Variants in SLX9 observed in about 807,000 individuals in gnomAD.
The protein encoded by SLX9 is ribosome biogenesis protein SLX9 homolog.
A neutral mutation model predicts 20.8 loss-of-function variants in SLX9; 19 were observed. That is an observed-to-expected ratio of 0.91 (90% CI 0.64 to 1.34). The LOEUF (loss-of-function observed/expected upper bound fraction) is 1.34, where lower values mean the gene tolerates loss of function less well. Ranked by LOEUF, SLX9 falls within the 40% of genes most tolerant of loss-of-function variation. The probability of loss-of-function intolerance (pLI) is 0.00; values close to 1 mark genes in which losing one functional copy is unlikely to be tolerated. For missense variants in SLX9, 299 were observed against 322.2 expected (o/e 0.93, Z 0.55); for synonymous variants, 113 against 137.1 (o/e 0.82, Z 1.23).
At chr21:44,956,155 A>G (rs769682238) in intron 2 of SLX9, among the ~76,000 whole-genome samples, 1 of 152,210 alleles carries the variant, frequency 6.6e-6, no homozygotes, top group Admixed American at 6.5e-5. Flanking sequence ...CTATGTAGGA[A>G]GGAAGCAATC....
intron 2 of SLX9, among the ~76,000 whole-genome samples, chr21:44,945,506 A>G (rs1220424336): frequency 2.6e-5 from 4 of 152,158 alleles, no homozygotes; most frequent in Non-Finnish European, 5.9e-5. Flanking sequence ...CTGGTCCCCA[A>G]GGTCACCTGC....
chr21:44,975,531 G>A (rs938367977), intron 5 of SLX9, among the ~76,000 whole-genome samples: 2 of 152,240 alleles, frequency 1.3e-5, no homozygotes, highest in African/African-American at 4.8e-5. Flanking sequence ...TCACTGTCAC[G>A]GCTCCTTTCC....
At chr21:44,949,538 C>T (rs73906968) in intron 2 of SLX9, among the ~76,000 whole-genome samples, 6,891 of 152,236 alleles carry the variant, frequency 0.045, 510 homozygotes, top group African/African-American at 0.15. Flanking sequence ...GGCCAGAGCG[C>T]ACCATGGAGC....
intron 2 of SLX9, among the ~76,000 whole-genome samples, chr21:44,954,727 G>A (rs532512164): frequency 8.5e-5 from 13 of 152,192 alleles, no homozygotes; most frequent in Non-Finnish European, 7.3e-5. Flanking sequence ...CTTCTCTGCG[G>A]TGCTGCTGGT....
At chr21:44,944,671 G>C (rs941465040) in intron 2 of SLX9, among the ~76,000 whole-genome samples, 1 of 151,980 alleles carries the variant, frequency 6.6e-6, no homozygotes, top group South Asian at 2.1e-4. Flanking sequence ...GCCTGGCTGT[G>C]GGGGCAGAGC....
rs1200511710 is a variant in SLX9, at chr21:44,946,682, G to T, written c.283+2845G>T. The stretch of plus-strand genomic sequence containing the variant: ...GGGGCGTTCTGAGCTCATCGCCGCG[G>T]GCCCCCATTACAGCCCTCCTGGAGC... On this transcript the variant is annotated intron_variant, in intron 2 of 5. Coordinates refer to ENST00000291634, the MANE Select transcript of SLX9 (RefSeq NM_058190.4). Among the ~76,000 whole-genome samples the T allele has an allele frequency of 2.0e-5, 3 of 152,236 alleles. No individual in the cohort carries two copies. The East Asian group carries it at 5.8e-4, about 29-fold the overall frequency.
At chr21:44,971,419 G>C (rs2085146806) in intron 4 of SLX9, among the ~76,000 whole-genome samples, 1 of 152,296 alleles carries the variant, frequency 6.6e-6, no homozygotes, top group East Asian at 1.9e-4. Flanking sequence ...TGGGAGGATG[G>C]GGTGTGGGAC....
chr21:44,971,042 G>A (rs28537507), intron 4 of SLX9, among the ~76,000 whole-genome samples: 1,861 of 140,616 alleles, frequency 0.013, 38 homozygotes, highest in African/African-American at 0.044. Context: ...GGCATCGAGC[G>A]ACACTTGACT....
Position 44,959,092 on chromosome 21 carries a change from AG to A in SLX9, c.284-1004del, listed in dbSNP as rs1371862902. 3 of 408,366 alleles carry A rather than the reference AG, an allele frequency of 7.3e-6. No individual in the cohort carries two copies. In the Admixed American group the frequency reaches 1.9e-4, roughly 26 times the overall value. 25.3% of individuals were successfully genotyped at this position (408,366 alleles called of 1,614,324 possible). On this transcript the variant is annotated intron_variant, in intron 2 of 5. Transcript: ENST00000291634. ...CCCAGGCACACCAGGAAGCTGTGGG[AG>A]GGGATTAAATCCTGCGGGAGCCCTG...
intron 4 of SLX9, among the ~76,000 whole-genome samples, chr21:44,970,711 G>A (rs2085127461): frequency 6.6e-6 from 1 of 152,226 alleles, no homozygotes. Flanking sequence ...CCAGTGGCCT[G>A]GGAGGCTGGA....
chr21:44,950,850 A>G (rs1052002028), intron 2 of SLX9, among the ~76,000 whole-genome samples: 1 of 151,974 alleles, frequency 6.6e-6, no homozygotes, highest in Non-Finnish European at 1.5e-5. Flanking sequence ...TCATCTGCGA[A>G]AGGGGGGTGT....
intron 1 of SLX9, among the ~76,000 whole-genome samples, chr21:44,942,343 C>T (rs2084564872): frequency 6.6e-6 from 1 of 152,202 alleles, no homozygotes; most frequent in South Asian, 2.1e-4. Context: ...CCCCGTGAGT[C>T]TGATATTTTC....
chr21:44,953,149 C>T (rs2084789338), intron 2 of SLX9, among the ~76,000 whole-genome samples: 1 of 152,252 alleles, frequency 6.6e-6, no homozygotes, highest in Non-Finnish European at 1.5e-5. Flanking sequence ...AGGCTCTCCT[C>T]ATTCACTCCT....
intron 2 of SLX9, among the ~76,000 whole-genome samples, chr21:44,944,290 A>G (rs555421377): frequency 1.3e-5 from 2 of 152,320 alleles, no homozygotes; most frequent in South Asian, 4.1e-4. Flanking sequence ...GGGTCCTCTC[A>G]GTTTCATCAG....
At chr21:44,959,777 A>G (rs568765563) in intron 2 of SLX9, among the ~76,000 whole-genome samples, 15 of 152,356 alleles carry the variant, frequency 9.8e-5, no homozygotes, top group East Asian at 1.9e-4. Context: ...CTTCACTGCA[A>G]TGACTGCCCT....
intron 4 of SLX9, among the ~76,000 whole-genome samples, chr21:44,971,813 G>C (rs1437523661): frequency 6.6e-6 from 1 of 152,332 alleles, no homozygotes; most frequent in South Asian, 2.1e-4. Context: ...CTGGCCAGGG[G>C]GGCAGAGCTT....
At chr21:44,950,470 G>A (rs899682998) in intron 2 of SLX9, among the ~76,000 whole-genome samples, 2 of 152,262 alleles carry the variant, frequency 1.3e-5, no homozygotes, top group South Asian at 2.1e-4. Context: ...GTGGTGCGGC[G>A]GCTGGGAGTG....
At position 44,967,137 on chromosome 21, in the gene SLX9, C is replaced by G. The variant is rs367751057; in HGVS notation, c.456C>G (p.Pro152=). ...GDLHPLRDAL[P]ELLGLEAGSR... ...TGCACCCTCTCAGGGATGCCCTGCC[C>G]GAGCTGCTGGGGCTCGAGGCTGGCA... Residue 152 remains proline, a synonymous_variant, in exon 4 of 6, where the codon CCC becomes CCG. Coordinates refer to ENST00000291634, the MANE Select transcript of SLX9 (RefSeq NM_058190.4). The G allele has an allele frequency of 3.7e-5, 60 of 1,604,594 alleles. No individual in the cohort carries two copies. Among genetic ancestry groups the G allele is most frequent in the African/African-American group, 8.0e-5 (6 of 74,618 alleles).
intron 1 of SLX9, among the ~76,000 whole-genome samples, chr21:44,941,421 C>T (rs2084545454): frequency 6.6e-6 from 1 of 150,694 alleles, no homozygotes; most frequent in South Asian, 2.1e-4. Context: ...TTGTCCCCTT[C>T]TGGCTGTGTG....
Sources: gnomAD v4.1 joint callset for allele counts (sites outside exome capture counted in the v4.1 genomes callset) on GRCh38, gnomAD v4.1.1 for gene constraint, MANE v1.5 for transcripts, NCBI Gene and HGNC (gene_info 2026-07-23, HGNC 2026-07-21) for gene names.